The following CHCHD2 variants were observed in gnomAD, a reference collection of about 807,000 sequenced individuals.
The protein encoded by CHCHD2 is coiled-coil-helix-coiled-coil-helix domain-containing protein 2.
CHCHD2 carries 17 observed loss-of-function variants against 17.5 expected under a neutral mutation model. The ratio of observed to expected loss-of-function variants is 0.97; its 90% CI spans 0.67 to 1.46. CHCHD2 has a LOEUF of 1.46. Among genes scored for constraint, CHCHD2 ranks in the 40% most tolerant of loss-of-function variants. CHCHD2 has a pLI of 0.00. For missense variants in CHCHD2, 175 were observed against 199.9 expected, an observed-to-expected ratio of 0.88 and a Z score of 0.75; for synonymous variants, 63 against 74.3, an observed-to-expected ratio of 0.85 and a Z score of 0.78.
At chr7:56,104,530 T>C (rs944799090) in intron 1 of CHCHD2, 55 bp from the exon 2 acceptor site, 6 of 1,459,352 alleles carry the variant, frequency 4.1e-6, no homozygotes, top group Non-Finnish European at 3.6e-6. Context: ...GTTTTGGAAA[T>C]TGTCAACTTA....
intron 1 of CHCHD2, 107 bp from the exon 2 acceptor site, chr7:56,104,582 C>A: frequency 1.7e-6 from 2 of 1,182,902 alleles, no homozygotes; most frequent in Non-Finnish European, 2.3e-6. Flanking sequence ...ATTTTCATTT[C>A]AAATTATTTA....
intron 2 of CHCHD2, among the ~76,000 whole-genome samples, chr7:56,103,887 G>C (rs1401572994): frequency 6.6e-6 from 1 of 152,204 alleles, no homozygotes; most frequent in Non-Finnish European, 1.5e-5. Flanking sequence ...AGAACACACA[G>C]CTATGCGAGA....
Position 56,104,277 on chromosome 7 carries a change from G to GC in CHCHD2, c.248dup (p.Phe84LeufsTer6). 2 of 1,613,734 alleles carry GC rather than the reference G, an allele frequency of 1.2e-6. No homozygotes were observed. Among genetic ancestry groups the GC allele is most frequent in the Non-Finnish European group, 1.7e-6 (2 of 1,179,664 alleles). On this transcript the variant is annotated frameshift_variant, in exon 2 of 4. Transcript: ENST00000395422. LOFTEE classifies it high-confidence loss of function. ...GCTCAGCATTACTTCCTCCACTGAAGCCCCCAGTAATGGCGTGACCCAATG... is the reference window on the plus strand; with the variant it reads ...GCTCAGCATTACTTCCTCCACTGAAGCCCCCCAGTAATGGCGTGACCCAATG...
intron 1 of CHCHD2, among the ~76,000 whole-genome samples, chr7:56,105,055 C>G (rs868507129): frequency 6.6e-6 from 1 of 151,768 alleles, no homozygotes; most frequent in Non-Finnish European, 1.5e-5. Context: ...GGATTACAGG[C>G]GCGCACCACC....
At chr7:56,103,086 C>T (rs1785318396) in intron 2 of CHCHD2, 75 bp from the exon 3 acceptor site, 2 of 1,504,304 alleles carry the variant, frequency 1.3e-6, no homozygotes, top group Non-Finnish European at 1.8e-6. Flanking sequence ...AGTATCCATC[C>T]TCTTTGAGGT....
intron 3 of CHCHD2, among the ~76,000 whole-genome samples, chr7:56,102,078 G>A (rs1045781403): frequency 2.0e-5 from 3 of 151,872 alleles, no homozygotes; most frequent in South Asian, 2.1e-4. Flanking sequence ...TGGCCTTCCA[G>A]AGTGCTGGGT....
At chr7:56,105,579 C>T (rs898328896) in intron 1 of CHCHD2, among the ~76,000 whole-genome samples, 1 of 152,134 alleles carries the variant, frequency 6.6e-6, no homozygotes, top group Non-Finnish European at 1.5e-5. Flanking sequence ...ACTTTGAGAC[C>T]AGCCAGGGCC....
chr7:56,106,263 G>A lies in CHCHD2; in HGVS notation c.50+101C>T, dbSNP rs1035865009. 3.2e-5 allele frequency: 36 copies of A among 1,139,144 alleles called. 2 individuals carry two copies. The African/African-American group carries it at 3.5e-4, about 11-fold the overall frequency. 70.6% of individuals were successfully genotyped at this position (1,139,144 alleles called of 1,614,324 possible). A position where few individuals can be genotyped will look rare whatever the true frequency, so the allele number is the denominator to read the frequency against. On this transcript the variant is annotated intron_variant, in intron 1 of 3. Transcript: ENST00000395422. Reference sequence around the variant, plus strand: ...CTGGCAGAGGCGAGCCCACGCCGCAGCCGACCTTAGTTCACCCCCGCCCGC... The same window carrying A: ...CTGGCAGAGGCGAGCCCACGCCGCAACCGACCTTAGTTCACCCCCGCCCGC...
At chr7:56,105,055 C>T (rs868507129) in intron 1 of CHCHD2, among the ~76,000 whole-genome samples, 1 of 151,768 alleles carries the variant, frequency 6.6e-6, no homozygotes, top group Admixed American at 6.6e-5. Context: ...GGATTACAGG[C>T]GCGCACCACC....
At chr7:56,101,941 C>T in intron 3 of CHCHD2, 80 bp from the exon 4 acceptor site, 1 of 1,412,512 alleles carries the variant, frequency 7.1e-7, no homozygotes, top group Admixed American at 2.0e-5. Context: ...ATTATGAAAG[C>T]AGCGACAAAA....
intron 2 of CHCHD2, among the ~76,000 whole-genome samples, chr7:56,103,824 A>G (rs1162814057): frequency 6.6e-6 from 1 of 152,240 alleles, no homozygotes; most frequent in Non-Finnish European, 1.5e-5. Flanking sequence ...TGCTCATTAG[A>G]CTAGAAAGCC....
chr7:56,104,170 T>C (rs986398808), intron 2 of CHCHD2, 56 bp downstream of exon 2: 9 of 1,595,862 alleles, frequency 5.6e-6, no homozygotes, highest in Non-Finnish European at 6.0e-6. Context: ...CTTACAAACG[T>C]CTGGCTTTTC....
intron 2 of CHCHD2, among the ~76,000 whole-genome samples, chr7:56,103,819 A>G (rs945155382): frequency 2.0e-5 from 3 of 152,266 alleles, no homozygotes; most frequent in Non-Finnish European, 2.9e-5. Flanking sequence ...ACCTATGCTC[A>G]TTAGACTAGA....
chr7:56,104,549 T>G, intron 1 of CHCHD2, 74 bp from the exon 2 acceptor site: 1 of 1,370,074 alleles, frequency 7.3e-7, no homozygotes, highest in Non-Finnish European at 9.7e-7. Flanking sequence ...TAAAATAACT[T>G]ACATATTAAA....
At chr7:56,102,738 T>C (rs1785309942) in intron 3 of CHCHD2, 129 bp downstream of exon 3, 2 of 956,622 alleles carry the variant, frequency 2.1e-6, no homozygotes, top group African/African-American at 3.3e-5. Context: ...GCCCAGTTGT[T>C]AGGAGTTAAT....
intron 3 of CHCHD2, among the ~76,000 whole-genome samples, chr7:56,102,423 G>C (rs889992360): frequency 6.6e-6 from 1 of 151,350 alleles, no homozygotes; most frequent in Non-Finnish European, 1.5e-5. Flanking sequence ...CTGGAATGCA[G>C]TGGCAGGATC....
intron 1 of CHCHD2, 145 bp from the exon 2 acceptor site, chr7:56,104,620 T>TG: frequency 2.0e-6 from 2 of 1,023,936 alleles, no homozygotes; most frequent in Non-Finnish European, 2.7e-6. Context: ...AATTTTTTTT[T>TG]TTTTGAGATG....
In CHCHD2 at chr7:56,101,838, T is replaced by A. The variant is rs200517035; in HGVS notation, c.*13A>T. On this transcript the variant is annotated 3_prime_UTR_variant, in exon 4 of 4. Coordinates refer to ENST00000395422, the MANE Select transcript of CHCHD2 (RefSeq NM_016139.4). Reference sequence around the variant, plus strand: ...AGAGCTGATTTTCCATCTCTCCAGGTTGAACTTCTTCATTAGGCCAATCCT... The same window carrying A: ...AGAGCTGATTTTCCATCTCTCCAGGATGAACTTCTTCATTAGGCCAATCCT... 5 of 1,611,546 alleles carry A rather than the reference T, an allele frequency of 3.1e-6. No individual in the cohort carries two copies. Among genetic ancestry groups the A allele is most frequent in the Non-Finnish European group, 4.2e-6 (5 of 1,178,324 alleles).
chr7:56,106,243 A>G, intron 1 of CHCHD2, 121 bp downstream of exon 1: 2 of 834,324 alleles, frequency 2.4e-6, no homozygotes, highest in Non-Finnish European at 3.8e-6. Flanking sequence ...CCCGCCTGGC[A>G]GAGGCGAGCC....
Sources: allele counts gnomAD v4.1 joint callset (sites outside exome capture counted in the v4.1 genomes callset), GRCh38; gene constraint gnomAD v4.1.1; transcripts MANE v1.5; gene names NCBI Gene and HGNC (gene_info 2026-07-23, HGNC 2026-07-21).